The following ATP6V0A4 variants were observed in gnomAD, a reference collection of about 807,000 sequenced individuals.
ATP6V0A4 encodes the protein ATPase H+ transporting V0 subunit a4.
A neutral mutation model predicts 107.3 loss-of-function variants in ATP6V0A4; 86 were observed. The ratio of observed to expected loss-of-function variants is 0.80; its 90% CI spans 0.67 to 0.96. The LOEUF is 0.96. ATP6V0A4 is among the 40% of genes least tolerant of loss of function. ATP6V0A4 has a pLI of 0.00. For missense variants in ATP6V0A4, 908 were observed against 1,045.6 expected, an observed-to-expected ratio of 0.87 and a Z score of 1.81; for synonymous variants, 353 against 381.4, an observed-to-expected ratio of 0.93 and a Z score of 0.87.
At chr7:138,780,421 A>G (rs1351633703) in intron 2 of ATP6V0A4, among the ~76,000 whole-genome samples, 1 of 152,082 alleles carries the variant, frequency 6.6e-6, no homozygotes, top group Non-Finnish European at 1.5e-5. Flanking sequence ...CCCTCCAGCT[A>G]TGTGGCCCAG....
chr7:138,741,286 G>A (rs1383010382), intron 14 of ATP6V0A4, among the ~76,000 whole-genome samples: 2 of 152,192 alleles, frequency 1.3e-5, no homozygotes, highest in East Asian at 3.8e-4. Flanking sequence ...AGGGAATCGG[G>A]AAGCCTGGCC....
At position 138,747,553 on chromosome 7, in the gene ATP6V0A4, T is replaced by C. The variant is rs369093737; in HGVS notation, c.1192A>G (p.Ile398Val). The stretch of plus-strand genomic sequence containing the variant: ...GCGAACAGGAAGGGGAAAGTGATGA[T>C]GGTGTAGGGGGCTGCGGAGGGGAGA... ...YREINPAPYT[I>V]ITFPFLFAVM... is the part of the protein sequence containing the mutation. The change falls in exon 13 of 22, where the codon ATC becomes GTC. Residue 398 changes from isoleucine to valine, a missense_variant. By Grantham distance (29) the Ile-to-Val change is conservative. Transcript: ENST00000310018. 6.2e-7 allele frequency: 1 copy of C among 1,613,922 alleles called. No homozygotes were observed. Among genetic ancestry groups the C allele is most frequent in the African/African-American group, 1.3e-5 (1 of 74,878 alleles).
chr7:138,716,082 C>A, intron 19 of ATP6V0A4: 1 of 318,964 alleles, frequency 3.1e-6, no homozygotes, highest in Non-Finnish European at 4.5e-6. Flanking sequence ...CGTTCCCCAG[C>A]AATAGCTGAA....
chr7:138,754,510 T>G (rs1806409775), intron 10 of ATP6V0A4, among the ~76,000 whole-genome samples: 1 of 151,796 alleles, frequency 6.6e-6, no homozygotes, highest in Non-Finnish European at 1.5e-5. Flanking sequence ...TCTGCTAGCC[T>G]AAGGGTTTTG....
At position 138,760,068 on chromosome 7, in the gene ATP6V0A4, C is replaced by A. The variant is rs140087659; in HGVS notation, c.513-190G>T. ...CATCCAGCCCTGACTTGCCCCAAGT[C>A]CCTTTGACCTTCTGTTTTCTTTGGT... On this transcript the variant is annotated intron_variant, in intron 7 of 21. Transcript: ENST00000310018. 1.5e-3 allele frequency: 538 copies of A among 364,386 alleles called. 2 individuals are homozygous for A. The highest frequency in any genetic ancestry group is 0.011 in the African/African-American group (505 of 45,228). The allele number at this position is 364,386 out of a possible 1,614,324, so 22.6% of individuals were successfully genotyped here.
At chr7:138,748,975 G>C (rs1015096228) in intron 12 of ATP6V0A4, among the ~76,000 whole-genome samples, 192 bp downstream of exon 12, 2 of 152,136 alleles carry the variant, frequency 1.3e-5, no homozygotes, top group African/African-American at 4.8e-5. Flanking sequence ...AGGGTATTAC[G>C]AAACCAAGGA....
chr7:138,734,179 CA>C lies in ATP6V0A4; in HGVS notation c.1647del (p.Ile549MetfsTer32). 6.2e-7 allele frequency: 1 copy of C among 1,613,774 alleles called. No individual in the cohort carries two copies. The highest frequency in any genetic ancestry group is 2.2e-5 in the East Asian group (1 of 44,868). On this transcript the variant is annotated frameshift_variant, in exon 16 of 22. Coordinates refer to ENST00000310018, the MANE Select transcript of ATP6V0A4 (RefSeq NM_020632.3). LOFTEE classifies it high-confidence loss of function. ...YKMKMSVILG[I>X]VQMVFGVILS... ...AGGATGACACCGAAAACCATCTGGA[CA>C]ATTCCCAGGATCACCGACATCTTCA...
At chr7:138,707,491 T>C (rs574891854) in intron 21 of ATP6V0A4, among the ~76,000 whole-genome samples, 13 of 144,054 alleles carry the variant, frequency 9.0e-5, no homozygotes, top group Admixed American at 3.9e-4. Flanking sequence ...AACCTCTGCC[T>C]CCCAGGCTCA....
chr7:138,766,172 C>T (rs1807075082), intron 5 of ATP6V0A4, among the ~76,000 whole-genome samples: 1 of 151,556 alleles, frequency 6.6e-6, no homozygotes, highest in Non-Finnish European at 1.5e-5. Flanking sequence ...GAATGTAGAG[C>T]TTTAACACCT....
At chr7:138,707,222 A>ATATATTATATAATATATAT (rs1803459004) in intron 21 of ATP6V0A4, among the ~76,000 whole-genome samples, 1 of 84,292 alleles carries the variant, frequency 1.2e-5, no homozygotes, top group Non-Finnish European at 2.1e-5. Flanking sequence ...ATTATATAGA[A>ATATATTATATAATATATAT]TATATTATAT....
rs1243135259 is a variant in ATP6V0A4, at chr7:138,784,307, C to CATATAT, written c.-18+1845_-18+1850dup. ...ATATATATACACACACACACACACACATATATATATATGTATTTTTTTTTT... is the reference window on the plus strand; with the variant it reads ...ATATATATACACACACACACACACACATATATATATATATATATGTATTTTTTTTTT... On this transcript the variant is annotated intron_variant, in intron 2 of 21. Coordinates refer to ENST00000310018, the MANE Select transcript of ATP6V0A4 (RefSeq NM_020632.3). Among the ~76,000 whole-genome samples the CATATAT allele has an allele frequency of 7.6e-3, 945 of 123,894 alleles. 35 individuals carry two copies. Among genetic ancestry groups the CATATAT allele is most frequent in the African/African-American group, 0.033 (904 of 27,184 alleles). 81.3% of individuals were successfully genotyped at this position (123,894 alleles called of 152,430 possible).
chr7:138,797,273 G>A (rs994898009), intron 1 of ATP6V0A4, among the ~76,000 whole-genome samples: 1 of 149,460 alleles, frequency 6.7e-6, no homozygotes, highest in South Asian at 2.1e-4. Flanking sequence ...GGAATGCAGG[G>A]TCAGGAGCAT....
At chr7:138,765,141 T>C (rs1807021890) in intron 5 of ATP6V0A4, among the ~76,000 whole-genome samples, 1 of 152,146 alleles carries the variant, frequency 6.6e-6, no homozygotes, top group South Asian at 2.1e-4. Flanking sequence ...CCTGTAAATG[T>C]TAGCTCTCCC....
chr7:138,771,426 G>GAGTGAGACCCTGTCCAA, intron 2 of ATP6V0A4, 162 bp from the exon 3 acceptor site: 1 of 261,648 alleles, frequency 3.8e-6, no homozygotes, highest in Non-Finnish European at 4.4e-6. Context: ...TTCTTAGACA[G>GAGTGAGACCCTGTCCAA]GGTCTCACTC....
intron 20 of ATP6V0A4, 134 bp from the exon 21 acceptor site, chr7:138,709,929 G>C: frequency 2.8e-6 from 3 of 1,063,580 alleles, no homozygotes; most frequent in Non-Finnish European, 3.7e-6. Flanking sequence ...GCCTAGGATG[G>C]TCTCCAACTC....
chr7:138,795,024 A>G (rs1412464378), intron 1 of ATP6V0A4, among the ~76,000 whole-genome samples: 2 of 151,954 alleles, frequency 1.3e-5, no homozygotes, highest in African/African-American at 4.8e-5. Context: ...CAGCCTCCCA[A>G]GTAGCCGGGA....
intron 17 of ATP6V0A4, among the ~76,000 whole-genome samples, chr7:138,732,192 T>G (rs1258469483): frequency 6.6e-6 from 1 of 152,172 alleles, no homozygotes; most frequent in Non-Finnish European, 1.5e-5. Flanking sequence ...TAGCTAGAGT[T>G]CACTCTTTGA....
At chr7:138,728,702 C>A in intron 18 of ATP6V0A4, 59 bp downstream of exon 18, 1 of 1,609,852 alleles carries the variant, frequency 6.2e-7, no homozygotes, top group Non-Finnish European at 8.5e-7. Flanking sequence ...CAAGATTCAT[C>A]TTTCCAGAAA....
chr7:138,779,290 G>A (rs866115326), intron 2 of ATP6V0A4, among the ~76,000 whole-genome samples: 2 of 151,742 alleles, frequency 1.3e-5, no homozygotes, highest in South Asian at 2.1e-4. Context: ...CGAGGCTGCA[G>A]TGAGCCATGA....
Sources: allele counts gnomAD v4.1 joint callset (sites outside exome capture counted in the v4.1 genomes callset), GRCh38; gene constraint gnomAD v4.1.1; transcripts MANE v1.5; gene names NCBI Gene and HGNC (gene_info 2026-07-23, HGNC 2026-07-21).